The following PBX1 variants were observed in gnomAD, a reference collection of about 807,000 sequenced individuals.
PBX1 encodes the protein pre-B-cell leukemia transcription factor 1.
A neutral mutation model predicts 53.4 loss-of-function variants in PBX1; 6 were observed. The observed-to-expected ratio is 0.11, with a 90% CI of 0.06 to 0.22. The LOEUF (loss-of-function observed/expected upper bound fraction) is 0.22, where lower values mean the gene tolerates loss of function less well. PBX1 is among the 10% of genes least tolerant of loss of function. PBX1 has a pLI of 1.00. For missense variants in PBX1, 251 were observed against 551.4 expected (o/e 0.46, Z 5.46); for synonymous variants, 204 against 212.3 (o/e 0.96, Z 0.34).
chr1:164,883,219 T>C (rs1263204662), intron 2 of PBX1, among the ~76,000 whole-genome samples: 1 of 152,172 alleles, frequency 6.6e-6, no homozygotes, highest in African/African-American at 2.4e-5. Context: ...AGAGTACTAA[T>C]TCCACAAGAC....
intron 2 of PBX1, among the ~76,000 whole-genome samples, chr1:164,677,021 T>G (rs1208468510): frequency 1.3e-5 from 2 of 152,090 alleles, no homozygotes; most frequent in Non-Finnish European, 2.9e-5. Context: ...TCAACATGAT[T>G]CCAGGCAAGT....
rs118179778 is a variant in PBX1 at position 164,757,714 on chromosome 1, A to T, written c.266-34780A>T. On this transcript the variant is annotated intron_variant, in intron 2 of 8. Transcript: ENST00000420696. Reference sequence around the variant, plus strand: ...GCTAATTTCAGCTATTATTATTATTATTTTTTAATCTCTAAATCATGCTGT... The same window carrying T: ...GCTAATTTCAGCTATTATTATTATTTTTTTTTAATCTCTAAATCATGCTGT... 1.5e-3 allele frequency among the ~76,000 whole-genome samples: 232 copies of T among 152,118 alleles called. 1 individual carries two copies. Among genetic ancestry groups the T allele is most frequent in the East Asian group, 0.012 (60 of 5,178 alleles).
intron 2 of PBX1, among the ~76,000 whole-genome samples, chr1:164,663,963 G>T (rs981092436): frequency 1.3e-5 from 2 of 152,182 alleles, no homozygotes; most frequent in African/African-American, 4.8e-5. Flanking sequence ...TTTGTCAGGG[G>T]GTTTCAAACA....
intron 4 of PBX1, among the ~76,000 whole-genome samples, chr1:164,806,407 C>A (rs191643871): frequency 6.6e-6 from 1 of 152,278 alleles, no homozygotes; most frequent in Admixed American, 6.5e-5. Flanking sequence ...TGCCACTTTT[C>A]TCCTTTTGAG....
intron 2 of PBX1, among the ~76,000 whole-genome samples, chr1:164,700,085 C>A (rs967946141): frequency 6.7e-6 from 1 of 149,770 alleles, no homozygotes; most frequent in Admixed American, 6.6e-5. Flanking sequence ...TCGCAACATG[C>A]CGGAACAGAG....
At chr1:164,740,522 T>G (rs1665549169) in intron 2 of PBX1, among the ~76,000 whole-genome samples, 1 of 152,066 alleles carries the variant, frequency 6.6e-6, no homozygotes, top group South Asian at 2.1e-4. Context: ...CATAACTATC[T>G]TTGGTGATGG....
intron 2 of PBX1, among the ~76,000 whole-genome samples, chr1:164,565,071 A>C (rs1306130192): frequency 5.9e-5 from 9 of 152,138 alleles, no homozygotes; most frequent in South Asian, 2.1e-4. Flanking sequence ...TTAAATGTAC[A>C]TTGTGGCCAA....
At chr1:164,624,794 G>A (rs985680265) in intron 2 of PBX1, among the ~76,000 whole-genome samples, 2 of 152,036 alleles carry the variant, frequency 1.3e-5, no homozygotes, top group Admixed American at 6.5e-5. Flanking sequence ...TCTTATAGTG[G>A]TACTTGCAAT....
chr1:164,749,586 C>T (rs1666085794), intron 2 of PBX1, among the ~76,000 whole-genome samples: 1 of 152,158 alleles, frequency 6.6e-6, no homozygotes, highest in African/African-American at 2.4e-5. Context: ...TTTAATTCTT[C>T]ACATGATTAA....
At chr1:164,669,020 C>T (rs974892611) in intron 2 of PBX1, among the ~76,000 whole-genome samples, 2 of 152,104 alleles carry the variant, frequency 1.3e-5, no homozygotes, top group African/African-American at 4.8e-5. Context: ...CTGTGTTTAT[C>T]ATCTTGGAGC....
chr1:164,784,327 G>A (rs370650060), intron 2 of PBX1, among the ~76,000 whole-genome samples: 1 of 152,178 alleles, frequency 6.6e-6, no homozygotes, highest in East Asian at 1.9e-4. Context: ...CAGGCAGCCG[G>A]CACCCATCCA....
intron 2 of PBX1, among the ~76,000 whole-genome samples, chr1:164,714,257 C>T (rs1557961069): frequency 1.3e-5 from 2 of 152,176 alleles, no homozygotes; most frequent in South Asian, 2.1e-4. Flanking sequence ...AAGCCAAAGC[C>T]GGTAGGGATC....
chr1:164,868,720 C>T (rs1672279625), intron 2 of PBX1, among the ~76,000 whole-genome samples: 1 of 152,174 alleles, frequency 6.6e-6, no homozygotes, highest in African/African-American at 2.4e-5. Context: ...AAGATCTGGG[C>T]TTGTCCACAG....
chr1:164,711,373 C>T (rs1333160715), intron 2 of PBX1, among the ~76,000 whole-genome samples: 1 of 152,176 alleles, frequency 6.6e-6, no homozygotes, highest in African/African-American at 2.4e-5. Context: ...ACGCCATTCT[C>T]CTGCCTCAGC....
chr1:164,666,353 A>C (rs879802048), intron 2 of PBX1, among the ~76,000 whole-genome samples: 2 of 152,202 alleles, frequency 1.3e-5, no homozygotes, highest in Admixed American at 1.3e-4. Context: ...GTCCATTATT[A>C]TTATTATTCT....
Position 164,868,502 on chromosome 1 carries a change from T to A in PBX1, n.258-30686T>A, listed in dbSNP as rs145533577. The stretch of plus-strand genomic sequence containing the variant: ...AGAGAGAGAAAGGCCTCCCATGACC[T>A]CTGAAACCTGGTTGATTTGCAAGCA... On this transcript the variant is annotated intron_variant and non_coding_transcript_variant, in intron 2 of 2. Coordinates refer to the PBX1 transcript ENST00000558796. Among the ~76,000 whole-genome samples, 702 of 152,252 alleles carry A rather than the reference T, an allele frequency of 4.6e-3. 7 individuals are homozygous for A. The highest frequency in any genetic ancestry group is 0.036 in the South Asian group (175 of 4,826).
intron 2 of PBX1, among the ~76,000 whole-genome samples, chr1:164,632,043 G>A (rs1557903346): frequency 1.3e-5 from 2 of 152,198 alleles, no homozygotes; most frequent in African/African-American, 4.8e-5. Context: ...GTTAGATTTA[G>A]TCTGACCCTT....
chr1:164,862,553 G>T (rs1039686451), intron 2 of PBX1, among the ~76,000 whole-genome samples: 1 of 152,184 alleles, frequency 6.6e-6, no homozygotes, highest in African/African-American at 2.4e-5. Flanking sequence ...AGGAGAAGAC[G>T]GAACAACTGC....
intron 2 of PBX1, among the ~76,000 whole-genome samples, chr1:164,637,212 G>T (rs1051105807): frequency 1.3e-5 from 2 of 152,188 alleles, no homozygotes; most frequent in African/African-American, 4.8e-5. Flanking sequence ...CCTATGGAGA[G>T]ATTTAGAAGA....
Sources: allele counts gnomAD v4.1 joint callset (sites outside exome capture counted in the v4.1 genomes callset), GRCh38; gene constraint gnomAD v4.1.1; transcripts MANE v1.5; gene names NCBI Gene and HGNC (gene_info 2026-07-23, HGNC 2026-07-21).